SEPTIN6: variants seen among roughly 807,000 people sequenced by gnomAD.
The protein encoded by SEPTIN6 is septin 6, also known as septin-6.
In SEPTIN6, 8 loss-of-function variants were observed where a neutral mutation model predicts 33.6. The observed-to-expected ratio is 0.24, with a 90% CI of 0.14 to 0.43. The LOEUF (loss-of-function observed/expected upper bound fraction) is 0.43, where lower values mean the gene tolerates loss of function less well. Ranked by LOEUF, SEPTIN6 falls within the 20% of genes least tolerant of loss-of-function variation. The pLI is 1.00. For synonymous variants in SEPTIN6, 131 were observed against 140.0 expected, an observed-to-expected ratio of 0.94 and a Z score of 0.45; for missense variants, 250 against 340.8, an observed-to-expected ratio of 0.73 and a Z score of 2.10.
At chrX:119,659,146 G>A (rs1444405711) in intron 3 of SEPTIN6, among the ~76,000 whole-genome samples, 3 of 111,714 alleles carry the variant, frequency 2.7e-5, no homozygotes, top group Non-Finnish European at 5.6e-5. Context: ...TTTTGTGAAT[G>A]GTGTTTGTGT....
chrX:119,673,477 C>T (rs763789449), intron 2 of SEPTIN6, among the ~76,000 whole-genome samples: 61 of 110,826 alleles, frequency 5.5e-4, no homozygotes, highest in African/African-American at 2.0e-3. Context: ...GAATGTGTAG[C>T]AATTCTCTTA....
intron 3 of SEPTIN6, among the ~76,000 whole-genome samples, chrX:119,657,455 C>G (rs756776077): frequency 2.7e-5 from 3 of 110,911 alleles, no homozygotes; most frequent in Non-Finnish European, 5.7e-5. Context: ...TGCCCCTGAC[C>G]TCCTTGTCCC....
chrX:119,619,854 G>T lies in SEPTIN6; in HGVS notation c.*239C>A. ...GGGGACTGGGATGCAGGATGCATCT[G>T]CGAGCCACATGACTGTTGGCTTCTT... On this transcript the variant is annotated 3_prime_UTR_variant, in exon 11 of 11. Transcript: ENST00000394610. The T allele has an allele frequency of 2.8e-6, 3 of 1,076,801 alleles. No homozygotes were observed. The highest frequency in any genetic ancestry group is 3.6e-6 in the Non-Finnish European group (3 of 830,263). 88.7% of individuals were successfully genotyped at this position (1,076,801 alleles called of 1,213,427 possible). A position where few individuals can be genotyped will look rare whatever the true frequency, so the allele number is the denominator to read the frequency against.
intron 1 of SEPTIN6, among the ~76,000 whole-genome samples, chrX:119,691,293 T>C (rs1406901421): frequency 8.9e-6 from 1 of 111,924 alleles, no homozygotes; most frequent in Non-Finnish European, 1.9e-5. Flanking sequence ...GGTGAGAGTA[T>C]GGAGGACAGG....
intron 3 of SEPTIN6, among the ~76,000 whole-genome samples, chrX:119,657,352 G>T (rs937209500): frequency 9.0e-6 from 1 of 110,826 alleles, no homozygotes; most frequent in Non-Finnish European, 1.9e-5. Context: ...TTGGTTCTCA[G>T]TCTTGTCAAT....
intron 1 of SEPTIN6, among the ~76,000 whole-genome samples, chrX:119,688,173 C>A (rs932434191): frequency 4.5e-5 from 5 of 111,858 alleles, no homozygotes; most frequent in African/African-American, 1.6e-4. Flanking sequence ...ATCTCACCCA[C>A]CTTCACACCT....
intron 1 of SEPTIN6, among the ~76,000 whole-genome samples, chrX:119,680,940 C>A (rs2054946149): frequency 9.6e-6 from 1 of 104,546 alleles, no homozygotes; most frequent in South Asian, 4.5e-4. Context: ...GAGATCACGC[C>A]ACTGCACTCC....
chrX:119,678,260 C>T (rs921155048), intron 1 of SEPTIN6, among the ~76,000 whole-genome samples: 4 of 110,252 alleles, frequency 3.6e-5, no homozygotes, highest in African/African-American at 6.6e-5. Context: ...GTGGCTCATG[C>T]CTGTAATCTC....
intron 5 of SEPTIN6, among the ~76,000 whole-genome samples, chrX:119,644,409 A>C (rs1317214477): frequency 3.0e-5 from 2 of 67,787 alleles, no homozygotes; most frequent in African/African-American, 6.0e-5. Context: ...AAATTTATTC[A>C]AAAAAAAAAA....
chrX:119,670,300 A>T (rs990446297), intron 2 of SEPTIN6, among the ~76,000 whole-genome samples: 1 of 111,192 alleles, frequency 9.0e-6, no homozygotes, highest in Non-Finnish European at 1.9e-5. Context: ...GCTCATGCCT[A>T]TAATCCCAGC....
intron 2 of SEPTIN6, among the ~76,000 whole-genome samples, chrX:119,672,208 G>A (rs551824150): frequency 1.8e-5 from 2 of 111,618 alleles, no homozygotes; most frequent in African/African-American, 3.3e-5. Flanking sequence ...TTGACAAGTG[G>A]GGAGCAAAAG....
chrX:119,662,571 T>C (rs966277264), intron 3 of SEPTIN6, among the ~76,000 whole-genome samples: 1 of 112,060 alleles, frequency 8.9e-6, no homozygotes, highest in African/African-American at 3.2e-5. Flanking sequence ...CTTGCCTTGA[T>C]CATAAATCCT....
chrX:119,691,979 C>A (rs1212232956), intron 1 of SEPTIN6, among the ~76,000 whole-genome samples: 1 of 111,323 alleles, frequency 9.0e-6, no homozygotes, highest in Non-Finnish European at 1.9e-5. Flanking sequence ...GGGTGTCCCC[C>A]CCAAATGGAA....
intron 1 of SEPTIN6, among the ~76,000 whole-genome samples, chrX:119,691,980 C>T (rs1473666439): frequency 3.6e-5 from 4 of 111,374 alleles, no homozygotes; most frequent in Non-Finnish European, 7.5e-5. Context: ...GGTGTCCCCC[C>T]CAAATGGAAT....
chrX:119,646,114 GAC>G (rs1040005594), intron 5 of SEPTIN6, among the ~76,000 whole-genome samples: 1 of 111,587 alleles, frequency 9.0e-6, no homozygotes, highest in African/African-American at 3.3e-5. Flanking sequence ...TCCCAGGGTG[GAC>G]AGTGTTTCCC....
intron 3 of SEPTIN6, among the ~76,000 whole-genome samples, chrX:119,655,712 A>T (rs1258513456): frequency 2.7e-5 from 3 of 111,904 alleles, no homozygotes; most frequent in Non-Finnish European, 5.6e-5. Context: ...CACTACTGAT[A>T]ATCTTTGACA....
intron 1 of SEPTIN6, among the ~76,000 whole-genome samples, chrX:119,687,274 G>A (rs1233166497): frequency 1.0e-5 from 1 of 95,980 alleles, no homozygotes; most frequent in Non-Finnish European, 2.0e-5. Flanking sequence ...TTTTTGAGAC[G>A]GAGTCTCACT....
chrX:119,660,469 A>G lies in SEPTIN6; in HGVS notation c.341+3013T>C, dbSNP rs766093028. ...TCACATTTATAATCGGGAAGAAACA[A>G]TAGGGATATCTTAAAACTATAACGG... On this transcript the variant is annotated intron_variant, in intron 3 of 10. Transcript: ENST00000394610. Among the ~76,000 whole-genome samples, 10 of 112,145 alleles carry G rather than the reference A, an allele frequency of 8.9e-5. No homozygotes were observed. The South Asian group carries it at 3.7e-3, about 42-fold the overall frequency.
chrX:119,687,248 C>CTT (rs761167270), intron 1 of SEPTIN6, among the ~76,000 whole-genome samples: 35 of 97,571 alleles, frequency 3.6e-4, no homozygotes, highest in African/African-American at 1.2e-3. Context: ...TTTCATCTGT[C>CTT]TTTTTTTTTT....
Sources: gnomAD v4.1 joint callset for allele counts (sites outside exome capture counted in the v4.1 genomes callset) on GRCh38, gnomAD v4.1.1 for gene constraint, MANE v1.5 for transcripts, NCBI Gene and HGNC (gene_info 2026-07-23, HGNC 2026-07-21) for gene names.